KMT2C: variants seen among roughly 807,000 people sequenced by gnomAD.
KMT2C encodes lysine methyltransferase 2C.
Under a neutral mutation model 507.9 loss-of-function variants are expected in KMT2C, and 88 were observed. The ratio of observed to expected loss-of-function variants is 0.17; its 90% CI spans 0.15 to 0.21. The LOEUF is 0.21. Among genes scored for constraint, KMT2C ranks in the 10% least tolerant of loss-of-function variants. The pLI, the probability that KMT2C is intolerant of heterozygous loss-of-function variation, is 1.00. For synonymous variants in KMT2C, 2,049 were observed against 2,080.8 expected (o/e 0.98, Z 0.42); for missense variants, 4,954 against 5,957.8 (o/e 0.83, Z 5.55).
At chr7:152,225,791 A>G (rs1272547162) in intron 18 of KMT2C, among the ~76,000 whole-genome samples, 2 of 152,214 alleles carry the variant, frequency 1.3e-5, no homozygotes, top group African/African-American at 4.8e-5. Flanking sequence ...TTCTCCCAGA[A>G]AAAAACAGTA....
chr7:152,198,871 T>C (rs1395607848), intron 27 of KMT2C, among the ~76,000 whole-genome samples: 1 of 152,136 alleles, frequency 6.6e-6, no homozygotes, highest in Non-Finnish European at 1.5e-5. Flanking sequence ...GACTTCACTG[T>C]AGTAACACAG....
chr7:152,151,331 T>C (rs2091605020), intron 50 of KMT2C, 111 bp downstream of exon 50: 1 of 1,115,184 alleles, frequency 9.0e-7, no homozygotes, highest in East Asian at 2.5e-5. Flanking sequence ...CAGGAACATG[T>C]GTCCATCACA....
At chr7:152,291,561 G>A (rs2096427886) in intron 6 of KMT2C, among the ~76,000 whole-genome samples, 1 of 152,300 alleles carries the variant, frequency 6.6e-6, no homozygotes, top group African/African-American at 2.4e-5. Flanking sequence ...TCCACTTCAG[G>A]TTGTACTAAG....
Position 152,207,285 on chromosome 7 carries a change from C to A in KMT2C, c.3841+15G>T. ...AGTGTTGATGATATTGAAATGTCTA[C>A]CTCAGGCACTATACCTGGTCTGTAT... On this transcript the variant is annotated intron_variant, in intron 24 of 58. Coordinates refer to ENST00000262189, the MANE Select transcript of KMT2C (RefSeq NM_170606.3). 7 of 1,508,242 alleles carry A rather than the reference C, an allele frequency of 4.6e-6. No homozygotes were observed. Among genetic ancestry groups the A allele is most frequent in the Middle Eastern group, 1.8e-4 (1 of 5,686 alleles). 93.4% of individuals were successfully genotyped at this position (1,508,242 alleles called of 1,614,324 possible).
intron 15 of KMT2C, among the ~76,000 whole-genome samples, chr7:152,237,124 T>C (rs1165161755): frequency 5.9e-5 from 9 of 152,332 alleles, no homozygotes; most frequent in South Asian, 2.1e-4. Flanking sequence ...AGATGAATTA[T>C]GTATATTTAA....
intron 6 of KMT2C, among the ~76,000 whole-genome samples, chr7:152,276,965 T>C (rs2096093082): frequency 1.3e-5 from 2 of 152,140 alleles, no homozygotes; most frequent in African/African-American, 2.4e-5. Flanking sequence ...AAAAACTCAG[T>C]GAGAACTCGT....
intron 1 of KMT2C, among the ~76,000 whole-genome samples, chr7:152,379,530 T>A (rs2097354003): frequency 1.3e-5 from 2 of 150,996 alleles, no homozygotes. Context: ...AGAGTAAGAC[T>A]CTGTCTCCAA....
chr7:152,339,371 G>A (rs938538700), intron 2 of KMT2C, among the ~76,000 whole-genome samples: 21 of 151,984 alleles, frequency 1.4e-4, no homozygotes, highest in Admixed American at 9.2e-4. Flanking sequence ...CAGAAATCAC[G>A]GATATTTTCT....
At chr7:152,347,047 C>T (rs1397572239) in intron 2 of KMT2C, among the ~76,000 whole-genome samples, 3 of 152,134 alleles carry the variant, frequency 2.0e-5, no homozygotes, top group Non-Finnish European at 4.4e-5. Flanking sequence ...TCGCTTGAAC[C>T]CGGAAGGCAG....
intron 2 of KMT2C, among the ~76,000 whole-genome samples, chr7:152,347,817 A>C (rs2097074452): frequency 6.6e-6 from 1 of 152,198 alleles, no homozygotes; most frequent in Admixed American, 6.5e-5. Flanking sequence ...TTTTTTAAAT[A>C]TTTCTAGGCT....
chr7:152,327,085 G>C (rs1453681739), intron 3 of KMT2C, among the ~76,000 whole-genome samples: 2 of 152,166 alleles, frequency 1.3e-5, no homozygotes, highest in African/African-American at 2.4e-5. Context: ...AGTGGTAGTG[G>C]TAGTATAGCC....
intron 14 of KMT2C, among the ~76,000 whole-genome samples, chr7:152,242,395 T>C (rs1404269504): frequency 6.6e-6 from 1 of 152,290 alleles, no homozygotes; most frequent in South Asian, 2.1e-4. Flanking sequence ...AAAAAGTTAC[T>C]AAAAATTACT....
intron 6 of KMT2C, among the ~76,000 whole-genome samples, chr7:152,290,254 AT>A (rs1202433684): frequency 2.4e-5 from 1 of 41,586 alleles, no homozygotes; most frequent in South Asian, 1.1e-3. Flanking sequence ...GTGTGTGTGT[AT>A]GTGTATATAT....
At chr7:152,263,551 T>C (rs558690374) in intron 8 of KMT2C, among the ~76,000 whole-genome samples, 2 of 152,322 alleles carry the variant, frequency 1.3e-5, no homozygotes, top group Admixed American at 6.5e-5. Context: ...CAGATCTCTA[T>C]TTGTATTCAG....
In KMT2C at chr7:152,288,229, TAAAAAAA is replaced by T. The variant is rs36047379; in HGVS notation, c.850-14369_850-14363del. 3.4e-4 allele frequency among the ~76,000 whole-genome samples: 41 copies of T among 121,132 alleles called. 1 individual carries two copies. In the South Asian group the frequency reaches 0.011, roughly 31 times the overall value. The allele number at this position is 121,132 out of a possible 152,430, so 79.5% of individuals were successfully genotyped here. A position where few individuals can be genotyped will look rare whatever the true frequency, so the allele number is the denominator to read the frequency against. ...AACAAGAGAAGAAAATGAACTGATT[TAAAAAAA>T]AAAAAAAAAAAAAGTGGCCAGGTGC... On this transcript the variant is annotated intron_variant, in intron 6 of 58. Transcript: ENST00000262189.
At position 152,177,503 on chromosome 7, in the gene KMT2C, G is replaced by A. The variant is rs2129114907; in HGVS notation, c.7950C>T (p.Asn2650=). The part of the protein sequence containing the change: ...HSSSMVMRTL[N]HPLGGEFSEA... ...CTGAAAATTCACCACCTAGTGGATG[G>A]TTCAGAGTCCTCATGACCATAGAAG... is the stretch of plus-strand genomic sequence containing the variant. Residue 2650 remains asparagine, a synonymous_variant, in exon 38 of 59, where the codon AAC becomes AAT. Transcript: ENST00000262189. The A allele has an allele frequency of 1.2e-6, 2 of 1,614,202 alleles. No homozygotes were observed. The highest frequency in any genetic ancestry group is 1.7e-6 in the Non-Finnish European group (2 of 1,180,036).
At chr7:152,303,153 A>T (rs935144685) in intron 6 of KMT2C, among the ~76,000 whole-genome samples, 1 of 152,226 alleles carries the variant, frequency 6.6e-6, no homozygotes, top group Admixed American at 6.5e-5. Context: ...TAAAAAATGA[A>T]TAAAGTTTCC....
chr7:152,411,294 G>A (rs1589833148), intron 1 of KMT2C, among the ~76,000 whole-genome samples: 1 of 152,208 alleles, frequency 6.6e-6, no homozygotes, highest in East Asian at 1.9e-4. Flanking sequence ...AAGACTTTCA[G>A]CTTCATCCCA....
chr7:152,404,630 T>TGAAAAAAAAA (rs113947433), intron 1 of KMT2C, among the ~76,000 whole-genome samples: 1 of 56,350 alleles, frequency 1.8e-5, no homozygotes, highest in Non-Finnish European at 5.2e-5. Flanking sequence ...GACTCAGGTC[T>TGAAAAAAAAA]CAAAAAAAAA....
Sources: gnomAD v4.1 joint callset for allele counts (sites outside exome capture counted in the v4.1 genomes callset) on GRCh38, gnomAD v4.1.1 for gene constraint, MANE v1.5 for transcripts, NCBI Gene and HGNC (gene_info 2026-07-23, HGNC 2026-07-21) for gene names.